The following CCDC191 variants were observed in gnomAD, a reference collection of about 807,000 sequenced individuals.
The protein encoded by CCDC191 is coiled-coil domain-containing protein 191.
In CCDC191, 99 loss-of-function variants were observed where a neutral mutation model predicts 114.0. The observed-to-expected ratio is 0.87, with a 90% CI of 0.74 to 1.03. The LOEUF (loss-of-function observed/expected upper bound fraction) is 1.03, where lower values mean the gene tolerates loss of function less well. Ranked by LOEUF, CCDC191 falls within the 50% of genes least tolerant of loss-of-function variation. The probability of loss-of-function intolerance (pLI) is 0.00; values close to 1 mark genes in which losing one functional copy is unlikely to be tolerated. For missense variants in CCDC191, 973 were observed against 1,087.0 expected, an observed-to-expected ratio of 0.90 and a Z score of 1.47; for synonymous variants, 351 against 376.0, an observed-to-expected ratio of 0.93 and a Z score of 0.77.
intron 9 of CCDC191, among the ~76,000 whole-genome samples, chr3:114,008,282 A>G (rs1273236230): frequency 6.6e-6 from 1 of 151,656 alleles, no homozygotes; most frequent in African/African-American, 2.4e-5. Context: ...AATGGAGACA[A>G]AATTATCTGC....
rs745719777 is a variant in CCDC191 at position 114,005,875 on chromosome 3, CTGT to C, written c.1498_1500del (p.Thr500del). 4.8e-4 allele frequency: 768 copies of C among 1,614,080 alleles called. No homozygotes were observed. The highest frequency in any genetic ancestry group is 6.3e-4 in the Non-Finnish European group (746 of 1,179,994). On this transcript the variant is annotated inframe_deletion, in exon 10 of 17. Coordinates refer to ENST00000295878, the MANE Select transcript of CCDC191 (RefSeq NM_020817.2). ...TTCTGAAGGGAACCCTGCAAGTTGC[CTGT>C]TGTTGTTCTTCCCAGGGGAGGACTG...
chr3:113,988,069 G>A (rs990645776), intron 13 of CCDC191, among the ~76,000 whole-genome samples: 2 of 150,950 alleles, frequency 1.3e-5, no homozygotes, highest in African/African-American at 2.4e-5. Flanking sequence ...ATTTAAAGAG[G>A]TATAAAAACT....
rs566625737 is a variant in CCDC191 at position 113,995,445 on chromosome 3, A to T, written c.2163+6150T>A. On this transcript the variant is annotated intron_variant, in intron 13 of 16. Coordinates refer to ENST00000295878, the MANE Select transcript of CCDC191 (RefSeq NM_020817.2). ...AACTTTAAAGTAGAAAAACAACAAA[A>T]TCAACCAGAATGTCAGGGATTCCAG... Among the ~76,000 whole-genome samples, 3 of 152,298 alleles carry T rather than the reference A, an allele frequency of 2.0e-5. No homozygotes were observed. The South Asian group carries it at 6.2e-4, about 32-fold the overall frequency.
rs199808643 is a variant in CCDC191 at position 114,005,464 on chromosome 3, A to G, written c.1868+44T>C. The G allele has an allele frequency of 7.8e-5, 119 of 1,531,572 alleles. No individual in the cohort carries two copies. In the African/African-American group the frequency reaches 1.3e-3, roughly 17 times the overall value. The allele number at this position is 1,531,572 out of a possible 1,614,324, so 94.9% of individuals were successfully genotyped here. The stretch of plus-strand genomic sequence containing the variant: ...GAAGCTCAGGAGCCCAAAGTGAAAA[A>G]CCCCTTAAAATGAGTCCAGCGAGTT... On this transcript the variant is annotated intron_variant, in intron 10 of 16. Coordinates refer to ENST00000295878, the MANE Select transcript of CCDC191 (RefSeq NM_020817.2).
chr3:114,035,244 G>A (rs575433227), intron 5 of CCDC191, 96 bp from the exon 6 acceptor site: 1 of 836,572 alleles, frequency 1.2e-6, no homozygotes, highest in African/African-American at 1.7e-5. Context: ...AATACAACCA[G>A]TTTGAAATAT....
At chr3:113,970,326 A>G (rs1033121422) in intron 16 of CCDC191, among the ~76,000 whole-genome samples, 1 of 151,908 alleles carries the variant, frequency 6.6e-6, no homozygotes, top group African/African-American at 2.4e-5. Flanking sequence ...TTCCTTTTCA[A>G]TTTGGATACA....
chr3:113,974,470 C>T (rs1941126970), intron 16 of CCDC191, among the ~76,000 whole-genome samples: 1 of 152,066 alleles, frequency 6.6e-6, no homozygotes, highest in Non-Finnish European at 1.5e-5. Flanking sequence ...CAGATGCACA[C>T]CACCATGCCT....
chr3:113,967,295 A>G (rs376580874), intron 16 of CCDC191, among the ~76,000 whole-genome samples: 180 of 152,142 alleles, frequency 1.2e-3, no homozygotes, highest in African/African-American at 4.0e-3. Context: ...TGACGTCTGC[A>G]TTTTAGCTCC....
chr3:114,020,094 T>G (rs2076222109), intron 7 of CCDC191, among the ~76,000 whole-genome samples: 1 of 152,074 alleles, frequency 6.6e-6, no homozygotes, highest in Non-Finnish European at 1.5e-5. Flanking sequence ...TTTGCCAGTT[T>G]CAAGGATTTG....
chr3:113,989,973 C>T (rs561275453), intron 13 of CCDC191, among the ~76,000 whole-genome samples: 1 of 152,226 alleles, frequency 6.6e-6, no homozygotes, highest in East Asian at 1.9e-4. Context: ...GGCAACAGAA[C>T]AAGGCCCTGT....
At chr3:114,041,491 C>T (rs577651005) in intron 4 of CCDC191, among the ~76,000 whole-genome samples, 46 of 152,298 alleles carry the variant, frequency 3.0e-4, no homozygotes, top group African/African-American at 1.1e-3. Flanking sequence ...TAGAGCCTCA[C>T]AGCAGTTGAA....
intron 7 of CCDC191, among the ~76,000 whole-genome samples, chr3:114,028,972 CTATATATATT>C: frequency 6.6e-6 from 1 of 150,670 alleles, no homozygotes; most frequent in Non-Finnish European, 1.5e-5. Flanking sequence ...ATGTATATAT[CTATATATATT>C]TTATATATAT....
intron 4 of CCDC191, among the ~76,000 whole-genome samples, chr3:114,040,686 A>G (rs925840696): frequency 4.5e-4 from 68 of 152,068 alleles, no homozygotes; most frequent in Admixed American, 4.3e-3. Context: ...TAAATTGAAC[A>G]TATGTCTCTT....
At chr3:114,032,126 T>C (rs2076414719) in intron 6 of CCDC191, among the ~76,000 whole-genome samples, 1 of 151,936 alleles carries the variant, frequency 6.6e-6, no homozygotes, top group African/African-American at 2.4e-5. Context: ...TTATCTCCCA[T>C]AGAACGAGAA....
At position 114,046,696 on chromosome 3, in the gene CCDC191, C is replaced by T. The variant is rs1209120256; in HGVS notation, c.166G>A (p.Ala56Thr). 1 of 1,611,658 alleles carries T rather than the reference C, an allele frequency of 6.2e-7. No homozygotes were observed. Among genetic ancestry groups the T allele is most frequent in the Admixed American group, 1.7e-5 (1 of 59,952 alleles). Residue 56 changes from alanine (A) to threonine (T), a missense_variant, in exon 3 of 17, where the codon GCA (alanine) becomes ACA (threonine). Ala to Thr is a moderately conservative substitution (Grantham distance 58). Transcript: ENST00000295878. ...EKASEFAVSN[A>T]FFTRNSDLPR... Reference sequence around the variant, plus strand: ...AAATCTGAATTTCTAGTAAAAAATGCATTTGACACTGCAAACTCTGAGGCT... The same window carrying T: ...AAATCTGAATTTCTAGTAAAAAATGTATTTGACACTGCAAACTCTGAGGCT...
intron 16 of CCDC191, among the ~76,000 whole-genome samples, chr3:113,977,072 T>C (rs978603038): frequency 6.6e-6 from 1 of 152,096 alleles, no homozygotes; most frequent in Non-Finnish European, 1.5e-5. Flanking sequence ...TAAACACCCA[T>C]GCACAAACAT....
intron 11 of CCDC191, chr3:114,003,258 T>A (rs1480235459): frequency 5.1e-6 from 5 of 985,258 alleles, no homozygotes; most frequent in Non-Finnish European, 4.8e-6. Context: ...GGGGCATGGA[T>A]GGGAGGAGTA....
intron 12 of CCDC191, 80 bp downstream of exon 12, chr3:114,002,376 A>G: frequency 9.5e-7 from 1 of 1,056,816 alleles, no homozygotes; most frequent in East Asian, 2.6e-5. Flanking sequence ...AGGAGTTCTG[A>G]AAAAGCAAGG....
chr3:114,005,892 A>C lies in CCDC191; in HGVS notation c.1484T>G (p.Leu495Arg). Residue 495 changes from leucine (L) to arginine (R), a missense_variant, in exon 10 of 17, where the codon CTG becomes CGG. Coordinates refer to ENST00000295878, the MANE Select transcript of CCDC191 (RefSeq NM_020817.2). ...GSSGCMLSPP[L>R]GRTTTGNLQG... ...CAAGTTGCCTGTTGTTGTTCTTCCCAGGGGAGGACTGAGCATACAACCACT... is the reference window on the plus strand; with the variant it reads ...CAAGTTGCCTGTTGTTGTTCTTCCCCGGGGAGGACTGAGCATACAACCACT... 1 of 1,614,058 alleles carries C rather than the reference A, an allele frequency of 6.2e-7. No individual in the cohort carries two copies. Among genetic ancestry groups the C allele is most frequent in the Non-Finnish European group, 8.5e-7 (1 of 1,179,976 alleles).
Sources: allele counts gnomAD v4.1 joint callset (sites outside exome capture counted in the v4.1 genomes callset), GRCh38; gene constraint gnomAD v4.1.1; transcripts MANE v1.5; gene names NCBI Gene and HGNC (gene_info 2026-07-23, HGNC 2026-07-21).